Variants in MAPK14 observed in about 807,000 individuals in gnomAD.
MAPK14 encodes CSAID-binding protein.
MAPK14 carries 16 observed loss-of-function variants against 49.6 expected under a neutral mutation model. The ratio of observed to expected loss-of-function variants is 0.32; its 90% confidence interval spans 0.22 to 0.49. The LOEUF (loss-of-function observed/expected upper bound fraction) is 0.49, where lower values mean the gene tolerates loss of function less well. Among genes scored for constraint, MAPK14 ranks in the 20% least tolerant of loss-of-function variants. The pLI is 0.99. For missense variants in MAPK14, 200 were observed against 441.2 expected (o/e 0.45, Z 4.90); for synonymous variants, 142 against 158.0 (o/e 0.90, Z 0.76).
rs983456519 is a variant in MAPK14 at position 36,111,217 on chromosome 6, T to TAGG, written c.*2771_*2772insGGA. ...AAACTTAAATTCCAGTATCCATAAA[T>TAGG]AAAGTTTTATGAGAACAGAGCCGCA... On this transcript the variant is annotated 3_prime_UTR_variant, in exon 12 of 12. Transcript: ENST00000229794. The TAGG allele has an allele frequency of 7.2e-5, 11 of 152,104 alleles. No homozygotes were observed. Among genetic ancestry groups the TAGG allele is most frequent in the African/African-American group, 2.7e-4 (11 of 41,344 alleles). The allele number at this position is 152,104 out of a possible 1,614,324, so 9.4% of individuals were successfully genotyped here.
At chr6:36,067,255 T>G (rs192984961) in intron 3 of MAPK14, among the ~76,000 whole-genome samples, 10 of 152,312 alleles carry the variant, frequency 6.6e-5, no homozygotes, top group Admixed American at 6.5e-4. Flanking sequence ...GCTTAGAGTT[T>G]GAGTCCTTCA....
intron 10 of MAPK14, 183 bp downstream of exon 10, chr6:36,102,832 A>AT: frequency 1.0e-6 from 1 of 986,362 alleles, no homozygotes; most frequent in Non-Finnish European, 1.4e-6. Flanking sequence ...ACATGAGATG[A>AT]TTGTATGTTT....
intron 2 of MAPK14, among the ~76,000 whole-genome samples, chr6:36,055,420 G>A (rs1485271384): frequency 6.6e-6 from 1 of 151,748 alleles, no homozygotes; most frequent in African/African-American, 2.4e-5. Context: ...TTTTTTGGAT[G>A]TGTGCTAATT....
At chr6:36,074,710 G>A (rs1361214175) in intron 6 of MAPK14, among the ~76,000 whole-genome samples, 1 of 151,772 alleles carries the variant, frequency 6.6e-6, no homozygotes, top group Non-Finnish European at 1.5e-5. Flanking sequence ...CTGCCTCCCG[G>A]GTTCAAGCGA....
At chr6:36,061,787 T>C (rs1226884309) in intron 3 of MAPK14, among the ~76,000 whole-genome samples, 1 of 152,224 alleles carries the variant, frequency 6.6e-6, no homozygotes, top group Non-Finnish European at 1.5e-5. Flanking sequence ...TTTACCACTG[T>C]AGGCCCAGTC....
At chr6:36,059,176 C>T in intron 2 of MAPK14, 113 bp from the exon 3 acceptor site, 1 of 633,888 alleles carries the variant, frequency 1.6e-6, no homozygotes, top group Non-Finnish European at 2.6e-6. Context: ...AGGCGTGAGC[C>T]ACTGCTCCCG....
chr6:36,113,157 C>T (rs1415856966), downstream of MAPK14, among the ~76,000 whole-genome samples: 2 of 151,954 alleles, frequency 1.3e-5, no homozygotes, highest in African/African-American at 4.8e-5. Flanking sequence ...AAGTCTTCAG[C>T]CTGAGCAACA....
intron 1 of MAPK14, among the ~76,000 whole-genome samples, chr6:36,039,364 T>G (rs976886687): frequency 6.6e-6 from 1 of 152,220 alleles, no homozygotes; most frequent in Non-Finnish European, 1.5e-5. Flanking sequence ...CCTGAACATG[T>G]TGGCTCCTGT....
chr6:36,105,935 T>G (rs533638076), intron 10 of MAPK14, among the ~76,000 whole-genome samples: 3 of 152,288 alleles, frequency 2.0e-5, no homozygotes, highest in African/African-American at 7.2e-5. Context: ...AAATATAGAG[T>G]TAGACAAATT....
rs1358200663 is a variant in MAPK14 at position 36,107,381 on chromosome 6, A to G, written c.842-74A>G. On this transcript the variant is annotated intron_variant, in intron 10 of 11. Transcript: ENST00000229794. The surrounding 1 kb of genome is among the most constrained non-coding windows in gnomAD (Gnocchi z 4.3). ...TGTTTGGATATGAAGGGTCAAAACTATGTTTGCTCAATAAGGCATACTTTT... is the reference window on the plus strand; with the variant it reads ...TGTTTGGATATGAAGGGTCAAAACTGTGTTTGCTCAATAAGGCATACTTTT... 30 of 1,075,794 alleles carry G rather than the reference A, an allele frequency of 2.8e-5. No homozygotes were observed. The highest frequency in any genetic ancestry group is 3.9e-5 in the South Asian group (2 of 50,906). 66.6% of individuals were successfully genotyped at this position (1,075,794 alleles called of 1,614,324 possible).
chr6:36,055,474 T>A (rs1180585476), intron 2 of MAPK14, among the ~76,000 whole-genome samples: 1 of 152,154 alleles, frequency 6.6e-6, no homozygotes, highest in African/African-American at 2.4e-5. Context: ...TGGACCATGA[T>A]GGGATAATCA....
chr6:36,063,650 AATTTT>A (rs1763920703), intron 3 of MAPK14, among the ~76,000 whole-genome samples: 1 of 152,184 alleles, frequency 6.6e-6, no homozygotes, highest in African/African-American at 2.4e-5. Context: ...CTATGTTTTA[AATTTT>A]AATTCTTACA....
chr6:36,103,820 T>C (rs1184063891), intron 10 of MAPK14, among the ~76,000 whole-genome samples: 1 of 152,158 alleles, frequency 6.6e-6, no homozygotes, highest in Non-Finnish European at 1.5e-5. Context: ...TGGTAACGAG[T>C]ATAATCTGCC....
chr6:36,108,183 A>G (rs1204569530), intron 11 of MAPK14, among the ~76,000 whole-genome samples, 197 bp from the exon 12 acceptor site: 1 of 152,182 alleles, frequency 6.6e-6, no homozygotes, highest in Non-Finnish European at 1.5e-5. Context: ...ATGAGAAAAA[A>G]AATGGTTCTT....
Position 36,072,963 on chromosome 6 carries a change from C to T in MAPK14, c.396C>T (p.Tyr132=). 1 of 1,608,098 alleles carries T rather than the reference C, an allele frequency of 6.2e-7. No individual in the cohort carries two copies. Among genetic ancestry groups the T allele is most frequent in the South Asian group, 1.1e-5 (1 of 90,854 alleles). The change falls in exon 4 of 12, where the codon TAC becomes TAT. Residue 132 remains tyrosine (Y), a synonymous_variant. Transcript: ENST00000229794. The stretch of plus-strand genomic sequence containing the variant: ...ATGACCATGTTCAGTTCCTTATCTA[C>T]CAAATTCTCCGAGGTCTAAAGGTAC... ...LTDDHVQFLI[Y]QILRGLKYIH...
At chr6:36,065,374 C>T (rs1764005237) in intron 3 of MAPK14, among the ~76,000 whole-genome samples, 1 of 152,088 alleles carries the variant, frequency 6.6e-6, no homozygotes, top group Non-Finnish European at 1.5e-5. Flanking sequence ...CTAACCCAGA[C>T]ATGGGGTGTC....
chr6:36,067,703 GC>G (rs1241606400), intron 3 of MAPK14, among the ~76,000 whole-genome samples: 16 of 152,278 alleles, frequency 1.1e-4, no homozygotes, highest in African/African-American at 3.6e-4. Flanking sequence ...CTACTTGGCT[GC>G]TGAATGATTC....
intron 2 of MAPK14, 132 bp downstream of exon 2, chr6:36,052,960 G>A (rs1470830829): frequency 5.4e-6 from 3 of 554,654 alleles, no homozygotes; most frequent in African/African-American, 3.9e-5. Flanking sequence ...TGGGGTGTTA[G>A]TGGCCACTTG....
At chr6:36,113,747 T>A (rs1299358975), downstream of MAPK14, among the ~76,000 whole-genome samples, 4 of 152,210 alleles carry the variant, frequency 2.6e-5, no homozygotes, top group Non-Finnish European at 5.9e-5. Flanking sequence ...ACCTTTTCTT[T>A]CTTTGTTTTG....
Sources: allele counts gnomAD v4.1 joint callset (sites outside exome capture counted in the v4.1 genomes callset), GRCh38; gene constraint gnomAD v4.1.1; non-coding constraint Gnocchi (gnomAD v3.1); transcripts MANE v1.5; gene names NCBI Gene and HGNC (gene_info 2026-07-23, HGNC 2026-07-21).